The following KDM3A variants were observed in gnomAD, a reference collection of about 807,000 sequenced individuals.
The protein encoded by KDM3A is lysine demethylase 3A, also known as lysine-specific demethylase 3A.
Under a neutral mutation model 158.0 loss-of-function variants are expected in KDM3A, and 60 were observed. The observed-to-expected ratio is 0.38, with a 90% CI of 0.31 to 0.47. The LOEUF is 0.47. Among genes scored for constraint, KDM3A ranks in the 20% least tolerant of loss-of-function variants. The pLI is 0.99. For synonymous variants in KDM3A, 608 were observed against 549.3 expected (o/e 1.11, Z -1.49); for missense variants, 1,319 against 1,574.3 (o/e 0.84, Z 2.74).
At chr2:86,470,466 C>G (rs1673353775) in intron 11 of KDM3A, 58 bp downstream of exon 11, 5 of 1,418,154 alleles carry the variant, frequency 3.5e-6, no homozygotes, top group Non-Finnish European at 5.0e-6. Flanking sequence ...GCTAGATCAT[C>G]TGGCATACTT....
intron 4 of KDM3A, among the ~76,000 whole-genome samples, chr2:86,453,224 A>G (rs1672542688): frequency 6.6e-6 from 1 of 152,308 alleles, no homozygotes; most frequent in South Asian, 2.1e-4. Context: ...TTAATACGAT[A>G]TACAATTAAC....
chr2:86,442,474 C>T (rs1682771686), intron 2 of KDM3A: 2 of 433,374 alleles, frequency 4.6e-6, no homozygotes, highest in Admixed American at 8.0e-5. Flanking sequence ...AGACACGCTT[C>T]ATTAATGCCG....
chr2:86,444,148 G>A (rs1339020479), intron 2 of KDM3A, among the ~76,000 whole-genome samples: 1 of 152,156 alleles, frequency 6.6e-6, no homozygotes, highest in Non-Finnish European at 1.5e-5. Context: ...CTTTGAGGAG[G>A]TGGTGATATC....
chr2:86,477,819 T>A, intron 12 of KDM3A, 58 bp from the exon 13 acceptor site: 1 of 1,510,668 alleles, frequency 6.6e-7, no homozygotes, highest in South Asian at 1.3e-5. Context: ...CTACCTTTCG[T>A]TTTTGGTTTC....
chr2:86,439,977 T>A (rs1402367812), upstream of KDM3A, among the ~76,000 whole-genome samples: 2 of 152,194 alleles, frequency 1.3e-5, no homozygotes, highest in African/African-American at 4.8e-5. Flanking sequence ...AACTGTCTTT[T>A]AAAACTTGTG....
upstream of KDM3A, chr2:86,441,142 T>G (rs1011338216): frequency 2.0e-5 from 3 of 152,304 alleles, no homozygotes; most frequent in Non-Finnish European, 4.4e-5. Flanking sequence ...TCTGTGTACT[T>G]TAACCTAATG....
At chr2:86,473,514 G>A (rs1304107440) in intron 11 of KDM3A, among the ~76,000 whole-genome samples, 2 of 152,156 alleles carry the variant, frequency 1.3e-5, no homozygotes, top group African/African-American at 2.4e-5. Flanking sequence ...GGAGACCAAG[G>A]TGGGAGGATC....
At chr2:86,473,611 G>A (rs540494478) in intron 11 of KDM3A, among the ~76,000 whole-genome samples, 16 of 152,218 alleles carry the variant, frequency 1.1e-4, no homozygotes, top group African/African-American at 2.9e-4. Flanking sequence ...TTAGCTGGGC[G>A]TGGTGGCACA....
At position 86,442,241 on chromosome 2, in the gene KDM3A, C is replaced by G. The variant is rs1339717527; in HGVS notation, c.186+8C>G. On this transcript the variant is annotated splice_region_variant and intron_variant, in intron 2 of 25. Coordinates refer to ENST00000312912, the MANE Select transcript of KDM3A (RefSeq NM_018433.6). ...ACCAAGAAGGATCTGAAGGTACAGG[C>G]GGCTCCGGGCCTCTGCCACCGGACG... The G allele has an allele frequency of 5.0e-6, 8 of 1,595,074 alleles. No homozygotes were observed. Among genetic ancestry groups the G allele is most frequent in the Non-Finnish European group, 6.9e-6 (8 of 1,166,946 alleles).
intron 16 of KDM3A, 45 bp from the exon 17 acceptor site, chr2:86,481,885 C>T (rs1413368761): frequency 2.0e-6 from 3 of 1,471,742 alleles, no homozygotes; most frequent in Admixed American, 3.6e-5. Flanking sequence ...AAGGGATTTG[C>T]CTTTCAGAAT....
At chr2:86,472,230 T>G (rs2104677991) in intron 11 of KDM3A, among the ~76,000 whole-genome samples, 1 of 152,336 alleles carries the variant, frequency 6.6e-6, no homozygotes, top group African/African-American at 2.4e-5. Context: ...CTTAGCTGTT[T>G]TTTTCATTTT....
chr2:86,446,406 T>G (rs1188463977), intron 2 of KDM3A, among the ~76,000 whole-genome samples: 3 of 152,174 alleles, frequency 2.0e-5, no homozygotes, highest in Non-Finnish European at 4.4e-5. Flanking sequence ...CTTACTGAAT[T>G]TAAATGTCTT....
intron 23 of KDM3A, 166 bp from the exon 24 acceptor site, chr2:86,490,715 C>T: frequency 1.8e-6 from 1 of 545,618 alleles, no homozygotes; most frequent in Non-Finnish European, 3.2e-6. Flanking sequence ...TCTGTTGGTT[C>T]ATTCAGCTGA....
chr2:86,463,633 T>C (rs1673013123), intron 8 of KDM3A, among the ~76,000 whole-genome samples: 1 of 152,188 alleles, frequency 6.6e-6, no homozygotes, highest in South Asian at 2.1e-4. Flanking sequence ...TCCTATGTGG[T>C]CTGGTCTCCT....
intron 2 of KDM3A, among the ~76,000 whole-genome samples, chr2:86,448,905 CATATTTATA>C (rs1223095017): frequency 6.6e-6 from 1 of 152,040 alleles, no homozygotes; most frequent in Non-Finnish European, 1.5e-5. Context: ...TAAGGGGTAG[CATATTTATA>C]ATAGGTTAAG....
At chr2:86,452,111 T>C (rs1344779380) in intron 4 of KDM3A, among the ~76,000 whole-genome samples, 1 of 152,106 alleles carries the variant, frequency 6.6e-6, no homozygotes, top group Non-Finnish European at 1.5e-5. Context: ...TAGCTAAGGT[T>C]AAATAAGGTG....
upstream of KDM3A, among the ~76,000 whole-genome samples, chr2:86,440,050 C>T (rs1682604786): frequency 6.6e-6 from 1 of 152,118 alleles, no homozygotes; most frequent in Non-Finnish European, 1.5e-5. Flanking sequence ...ACATGAAAAA[C>T]ATTTTTACCA....
chr2:86,477,933 G>A lies in KDM3A; in HGVS notation c.1996G>A (p.Asp666Asn). ...TGTTCGAGAAATGTGTGATGTGTGC[G>A]ACACCACCATCTTCAACCTGCACTG... ...KGVREMCDVC[D>N]TTIFNLHWVC... Residue 666 changes from aspartate to asparagine, a missense_variant, in exon 13 of 26, where the codon GAC becomes AAC. Physicochemically the swap from Asp to Asn is conservative, Grantham distance 23 (BLOSUM62 1). This residue lies in a region of KDM3A where 113 missense variants were observed against 190.5 expected (regional missense o/e 0.59). Coordinates refer to ENST00000312912, the MANE Select transcript of KDM3A (RefSeq NM_018433.6). The A allele has an allele frequency of 6.2e-7, 1 of 1,614,108 alleles. No individual in the cohort carries two copies. Among genetic ancestry groups the A allele is most frequent in the Non-Finnish European group, 8.5e-7 (1 of 1,180,002 alleles).
chr2:86,485,053 G>A, intron 20 of KDM3A, 24 bp downstream of exon 20: 1 of 1,298,632 alleles, frequency 7.7e-7, no homozygotes, highest in East Asian at 2.3e-5. Context: ...GGTGGGGAGA[G>A]ATGATTCTGT....
Sources: allele counts gnomAD v4.1 joint callset (sites outside exome capture counted in the v4.1 genomes callset), GRCh38; gene constraint gnomAD v4.1.1; regional missense constraint gnomAD v4.1.1; transcripts MANE v1.5; gene names NCBI Gene and HGNC (gene_info 2026-07-23, HGNC 2026-07-21).